The following NWD2 variants were observed in gnomAD, a reference collection of about 807,000 sequenced individuals.
NWD2 encodes NACHT and WD repeat domain containing 2.
Under a neutral mutation model 132.7 loss-of-function variants are expected in NWD2, and 37 were observed. The ratio of observed to expected loss-of-function variants is 0.28; its 90% CI spans 0.21 to 0.37. The LOEUF is 0.37. NWD2 is among the 10% of genes least tolerant of loss of function. NWD2 has a pLI of 1.00. For missense variants in NWD2, 1,592 were observed against 2,122.4 expected (o/e 0.75, Z 4.91); for synonymous variants, 705 against 803.0 (o/e 0.88, Z 2.06).
chr4:37,362,467 C>G (rs534168287), intron 3 of NWD2, among the ~76,000 whole-genome samples: 1 of 152,184 alleles, frequency 6.6e-6, no homozygotes, highest in South Asian at 2.1e-4. Flanking sequence ...GGTACAAAAA[C>G]GGACACATAG....
intron 2 of NWD2, among the ~76,000 whole-genome samples, chr4:37,329,934 C>T (rs1440691291): frequency 6.6e-6 from 1 of 152,180 alleles, no homozygotes; most frequent in Non-Finnish European, 1.5e-5. Context: ...GCCAAATGTT[C>T]TCAGGCCTGG....
chr4:37,424,833 A>G (rs915386432), intron 3 of NWD2, among the ~76,000 whole-genome samples: 6 of 152,218 alleles, frequency 3.9e-5, no homozygotes, highest in Non-Finnish European at 7.3e-5. Flanking sequence ...AACACCTTCA[A>G]GAATACTTAT....
At chr4:37,372,443 G>A (rs2109305862) in intron 3 of NWD2, among the ~76,000 whole-genome samples, 1 of 152,258 alleles carries the variant, frequency 6.6e-6, no homozygotes, top group East Asian at 1.9e-4. Context: ...CATGAACCCA[G>A]GTAGGCTGGG....
intron 3 of NWD2, among the ~76,000 whole-genome samples, chr4:37,375,893 A>G (rs188555928): frequency 6.6e-6 from 1 of 152,276 alleles, no homozygotes; most frequent in Non-Finnish European, 1.5e-5. Flanking sequence ...AAACCATTGC[A>G]TTATACTGTG....
chr4:37,272,534 T>C (rs1717893002), intron 1 of NWD2, among the ~76,000 whole-genome samples: 1 of 151,770 alleles, frequency 6.6e-6, no homozygotes, highest in Non-Finnish European at 1.5e-5. Context: ...TTGTCTATTT[T>C]ATTGAAATTG....
chr4:37,392,230 A>G (rs544996894), intron 3 of NWD2, among the ~76,000 whole-genome samples: 8 of 152,170 alleles, frequency 5.3e-5, no homozygotes, highest in Non-Finnish European at 1.2e-4. Flanking sequence ...AAACATGAAT[A>G]AAGGTAAAAG....
rs139582554 is a variant in NWD2, at chr4:37,357,326, A to G, written c.357+844A>G. ...AAAAACTAGATTCAATATATCAGCA[A>G]AAGTGTTCTTAATATTTATTTGCAT... On this transcript the variant is annotated intron_variant, in intron 3 of 6. Transcript: ENST00000309447. 3.4e-3 allele frequency among the ~76,000 whole-genome samples: 521 copies of G among 152,324 alleles called. 4 individuals are homozygous for G. Among genetic ancestry groups the G allele is most frequent in the African/African-American group, 0.012 (487 of 41,584 alleles).
chr4:37,413,751 GA>G (rs1189397112), intron 3 of NWD2, among the ~76,000 whole-genome samples: 1 of 152,128 alleles, frequency 6.6e-6, no homozygotes, highest in Admixed American at 6.5e-5. Context: ...ACTGGATAAA[GA>G]AAATGTGGTA....
chr4:37,430,311 T>C (rs1712133736), intron 3 of NWD2, among the ~76,000 whole-genome samples: 1 of 152,218 alleles, frequency 6.6e-6, no homozygotes, highest in Non-Finnish European at 1.5e-5. Context: ...TTTGAGAAAG[T>C]AAATTGGCTG....
intron 2 of NWD2, among the ~76,000 whole-genome samples, chr4:37,336,121 A>C (rs554219145): frequency 6.6e-6 from 1 of 152,226 alleles, no homozygotes; most frequent in Admixed American, 6.5e-5. Context: ...AGCTTTAAGA[A>C]GAGTATAGTC....
rs553807629 is a variant in NWD2, at chr4:37,439,862, G to T, written c.1296+472G>T. 4.3e-4 allele frequency among the ~76,000 whole-genome samples: 65 copies of T among 152,332 alleles called. No individual in the cohort carries two copies. The highest frequency in any genetic ancestry group is 6.0e-4 in the Non-Finnish European group (41 of 68,044). Reference sequence around the variant, plus strand: ...CAAGGCACCTACAGTGGGAAATGGGGATCTTCTTTCTTTTTCCACGTGGCA... The same window carrying T: ...CAAGGCACCTACAGTGGGAAATGGGTATCTTCTTTCTTTTTCCACGTGGCA... On this transcript the variant is annotated intron_variant, in intron 6 of 6. Transcript: ENST00000309447. The surrounding 1 kb of genome is among the most constrained non-coding windows in gnomAD (Gnocchi z 4.5).
intron 3 of NWD2, among the ~76,000 whole-genome samples, chr4:37,399,415 T>C (rs887475837): frequency 1.3e-5 from 2 of 152,226 alleles, no homozygotes; most frequent in Admixed American, 6.5e-5. Flanking sequence ...TTTAAAAGAA[T>C]TTTTTGGCTT....
rs79906717 is a variant in NWD2 at position 37,384,914 on chromosome 4, A to G, written c.357+28432A>G. On this transcript the variant is annotated intron_variant, in intron 3 of 6. Transcript: ENST00000309447. The stretch of plus-strand genomic sequence containing the variant: ...AGGGCCCACACTTGCTAAAGCCTGA[A>G]GTCTTCTGCTCAGCCACACCAGTTA... Among the ~76,000 whole-genome samples the G allele has an allele frequency of 6.9e-3, 1,049 of 152,310 alleles. 11 individuals carry two copies. Among genetic ancestry groups the G allele is most frequent in the African/African-American group, 0.024 (995 of 41,560 alleles).
chr4:37,281,481 A>G (rs1255972343), intron 1 of NWD2, among the ~76,000 whole-genome samples: 1 of 152,192 alleles, frequency 6.6e-6, no homozygotes, highest in African/African-American at 2.4e-5. Context: ...CCATGTCTCT[A>G]TGAACCTATT....
rs1197274902 is a variant in NWD2, at chr4:37,444,349, C to A, written c.2361C>A (p.Asp787Glu). 4 of 1,551,980 alleles carry A rather than the reference C, an allele frequency of 2.6e-6. No homozygotes were observed. The highest frequency in any genetic ancestry group is 2.6e-6 in the Non-Finnish European group (3 of 1,147,076). ...ACCCCTACTTGAATGGCTGCCTTGA[C>A]TTGGAGAACAGAAGTTTGCTGGAGG... ...LEDPYLNGCL[D>E]LENRSLLEEE... The change falls in exon 7 of 7, where the codon GAC becomes GAA. Residue 787 changes from aspartate to glutamate, a missense_variant. By Grantham distance (45) the Asp-to-Glu change is conservative. Around this residue, in one of 7 missense-constraint regions of NWD2, gnomAD observed 1,071 missense variants for 1,398.0 expected, o/e 0.77. Transcript: ENST00000309447. The surrounding 1 kb of genome is among the most constrained non-coding windows in gnomAD (Gnocchi z 4.8).
chr4:37,262,244 G>A (rs879940863), intron 1 of NWD2, among the ~76,000 whole-genome samples: 7 of 152,056 alleles, frequency 4.6e-5, no homozygotes, highest in Non-Finnish European at 1.0e-4. Context: ...CAAAGCATAA[G>A]GATTTTCACT....
At chr4:37,245,309 C>T in intron 1 of NWD2, 91 bp downstream of exon 1, 3 of 1,356,864 alleles carry the variant, frequency 2.2e-6, no homozygotes, top group Non-Finnish European at 2.9e-6. Context: ...CAGCCCGGTG[C>T]GCCCTGCGCT....
intron 2 of NWD2, among the ~76,000 whole-genome samples, chr4:37,342,406 C>A (rs1719546425): frequency 6.6e-6 from 1 of 152,120 alleles, no homozygotes; most frequent in Non-Finnish European, 1.5e-5. Context: ...GAATCATGAG[C>A]CAAATAAGCC....
intron 1 of NWD2, among the ~76,000 whole-genome samples, chr4:37,284,457 G>A (rs1293477130): frequency 6.6e-6 from 1 of 152,128 alleles, no homozygotes; most frequent in Non-Finnish European, 1.5e-5. Flanking sequence ...CAGAATATTC[G>A]ATGAGCCCCA....
Sources: gnomAD v4.1 joint callset for allele counts (sites outside exome capture counted in the v4.1 genomes callset) on GRCh38, gnomAD v4.1.1 for gene constraint, gnomAD v4.1.1 regional missense constraint, Gnocchi (gnomAD v3.1) non-coding constraint, MANE v1.5 for transcripts, NCBI Gene and HGNC (gene_info 2026-07-23, HGNC 2026-07-21) for gene names.